The following PRKDC variants were observed in gnomAD, a reference collection of about 807,000 sequenced individuals.
PRKDC encodes protein kinase, DNA-activated, catalytic subunit.
Under a neutral mutation model 486.9 loss-of-function variants are expected in PRKDC, and 82 were observed. That is an observed-to-expected ratio of 0.17 (90% CI 0.14 to 0.20). The LOEUF (loss-of-function observed/expected upper bound fraction) is 0.20. Among genes scored for constraint, PRKDC ranks in the 10% least tolerant of loss-of-function variants. The pLI is 1.00. For synonymous variants in PRKDC, 1,895 were observed against 1,837.0 expected, an observed-to-expected ratio of 1.03 and a Z score of -0.81; for missense variants, 4,504 against 5,038.2, an observed-to-expected ratio of 0.89 and a Z score of 3.21.
At chr8:47,801,084 G>T in intron 70 of PRKDC, 98 bp from the exon 71 acceptor site, 1 of 1,242,350 alleles carries the variant, frequency 8.0e-7, no homozygotes, top group South Asian at 1.4e-5. Context: ...CTTTTCTTTT[G>T]TTTTTGGGAT....
chr8:47,953,197 A>G (rs2090653736), intron 7 of PRKDC, among the ~76,000 whole-genome samples: 1 of 152,120 alleles, frequency 6.6e-6, no homozygotes, highest in South Asian at 2.1e-4. Flanking sequence ...AGTCCCAGCT[A>G]TTCAGGAGGC....
intron 63 of PRKDC, among the ~76,000 whole-genome samples, chr8:47,825,906 G>C (rs1563754143): frequency 6.6e-6 from 1 of 152,154 alleles, no homozygotes; most frequent in African/African-American, 2.4e-5. Context: ...TAGATTGCTA[G>C]TTTTGTGAGT....
At position 47,959,976 on chromosome 8, in the gene PRKDC, G is replaced by C; in HGVS notation, c.151C>G (p.Leu51Val). Residue 51 changes from leucine (L) to valine (V), a missense_variant, in exon 1 of 86, where the codon CTG becomes GTG. Transcript: ENST00000314191. ...ECVLSSSPAV[L>V]ALQTSLVFSR... is the part of the protein sequence containing the mutation. The stretch of plus-strand genomic sequence containing the variant: ...CCCAGCTCGGGCCGGTACCCACCCA[G>C]CACCGCGGGGCTGCTGCTCAGGACG... 6.7e-7 allele frequency: 1 copy of C among 1,496,696 alleles called. No individual in the cohort carries two copies. The highest frequency in any genetic ancestry group is 8.9e-7 in the Non-Finnish European group (1 of 1,123,946). 92.7% of individuals were successfully genotyped at this position (1,496,696 alleles called of 1,614,324 possible).
At chr8:47,860,748 C>G in intron 45 of PRKDC, 151 bp downstream of exon 45, 1 of 580,728 alleles carries the variant, frequency 1.7e-6, no homozygotes, top group Non-Finnish European at 2.9e-6. Context: ...ACTTAAAATA[C>G]TTTTTCAAAG....
intron 57 of PRKDC, among the ~76,000 whole-genome samples, 170 bp downstream of exon 57, chr8:47,837,042 G>A (rs2088040690): frequency 6.6e-6 from 1 of 152,210 alleles, no homozygotes; most frequent in African/African-American, 2.4e-5. Flanking sequence ...CCAAGAGGGT[G>A]AGGCCAGTGG....
chr8:47,910,596 A>C (rs2089882016), intron 25 of PRKDC, among the ~76,000 whole-genome samples: 1 of 152,242 alleles, frequency 6.6e-6, no homozygotes, highest in African/African-American at 2.4e-5. Flanking sequence ...TCCAGCGTGC[A>C]ACCCTTTCAA....
rs878867610 is a variant in PRKDC, at chr8:47,956,036, A to G, written c.325-88T>C. On this transcript the variant is annotated intron_variant, in intron 3 of 85. Coordinates refer to ENST00000314191, the MANE Select transcript of PRKDC (RefSeq NM_006904.7). ...TACCTGAAACTACTTCTCCAAGAGG[A>G]GCAATACCAAAATTCAGTATTTAGC... 6.2e-5 allele frequency: 59 copies of G among 952,850 alleles called. No individual in the cohort carries two copies. The South Asian group carries it at 8.1e-4, about 13-fold the overall frequency. The allele number at this position is 952,850 out of a possible 1,614,324, so 59.0% of individuals were successfully genotyped here.
intron 4 of PRKDC, among the ~76,000 whole-genome samples, chr8:47,954,762 C>T (rs1251193573): frequency 1.3e-5 from 2 of 152,082 alleles, no homozygotes; most frequent in Non-Finnish European, 2.9e-5. Flanking sequence ...CAGAAGCCTA[C>T]AAAACCAAGG....
At chr8:47,908,081 C>T (rs1230995898) in intron 25 of PRKDC, among the ~76,000 whole-genome samples, 1 of 152,206 alleles carries the variant, frequency 6.6e-6, no homozygotes, top group Non-Finnish European at 1.5e-5. Context: ...GCTGCTAGGC[C>T]AGGACTGTGG....
At chr8:47,954,306 C>G in intron 5 of PRKDC, 32 bp downstream of exon 5, 1 of 926,602 alleles carries the variant, frequency 1.1e-6, no homozygotes, top group Admixed American at 3.3e-5. Context: ...ATTTGCTAAA[C>G]TATTTGAAAA....
chr8:47,849,423 C>A lies in PRKDC; in HGVS notation c.7086G>T (p.Val2362=). Reference sequence around the variant, plus strand: ...AGCTCTTGGTCACTTTGTTCAAGCACACAATAAACTTGTCCTCCATAGTAT... The same window carrying A: ...AGCTCTTGGTCACTTTGTTCAAGCAAACAATAAACTTGTCCTCCATAGTAT... ...HQNTMEDKFI[V]CLNKVTKSFP... Residue 2362 remains valine, a synonymous_variant, in exon 53 of 86, where the codon GTG becomes GTT. Coordinates refer to ENST00000314191, the MANE Select transcript of PRKDC (RefSeq NM_006904.7). The A allele has an allele frequency of 1.9e-6, 3 of 1,614,014 alleles. No individual in the cohort carries two copies. The highest frequency in any genetic ancestry group is 2.5e-6 in the Non-Finnish European group (3 of 1,179,902).
intron 62 of PRKDC, among the ~76,000 whole-genome samples, chr8:47,827,726 T>TA (rs1241851233): frequency 1.3e-5 from 2 of 152,192 alleles, no homozygotes; most frequent in African/African-American, 4.8e-5. Context: ...ACCCATCTAT[T>TA]AATGGGAATG....
At chr8:47,946,485 C>T (rs937705361) in intron 7 of PRKDC, among the ~76,000 whole-genome samples, 9 of 152,084 alleles carry the variant, frequency 5.9e-5, no homozygotes, top group South Asian at 2.1e-4. Context: ...ATGTGGTTCT[C>T]GTGGAGCTGA....
intron 30 of PRKDC, among the ~76,000 whole-genome samples, chr8:47,894,694 G>T (rs781456677): frequency 7.9e-5 from 12 of 152,188 alleles, no homozygotes; most frequent in Non-Finnish European, 1.5e-4. Flanking sequence ...CTGTCGTCAA[G>T]CCCTACTGAT....
chr8:47,957,443 A>C lies in PRKDC; in HGVS notation c.155-12T>G. The C allele has an allele frequency of 1.3e-6, 2 of 1,564,206 alleles. No homozygotes were observed. Among genetic ancestry groups the C allele is most frequent in the South Asian group, 2.4e-5 (2 of 85,032 alleles). On this transcript the variant is annotated splice_polypyrimidine_tract_variant and intron_variant, in intron 1 of 85. Transcript: ENST00000314191. ...AGATGTCTGTAATGCTGTTCAAAAA[A>C]ATAAGTAAACAAGTTAAGAGAGTGC...
intron 50 of PRKDC, among the ~76,000 whole-genome samples, chr8:47,854,721 A>AAATGCTTTACAGAAATG (rs2088493824): frequency 1.3e-5 from 2 of 152,134 alleles, no homozygotes; most frequent in Non-Finnish European, 2.9e-5. Flanking sequence ...TCTAGCTTTG[A>AAATGCTTTACAGAAATG]CTTTACAGAA....
At chr8:47,900,589 C>T (rs921351646) in intron 27 of PRKDC, 122 bp from the exon 28 acceptor site, 36 of 789,790 alleles carry the variant, frequency 4.6e-5, no homozygotes, top group East Asian at 9.8e-5. Flanking sequence ...TGGCCGGGTG[C>T]GGTGGCTCAC....
intron 4 of PRKDC, among the ~76,000 whole-genome samples, 156 bp from the exon 5 acceptor site, chr8:47,954,602 G>A (rs2090673823): frequency 6.6e-6 from 1 of 152,126 alleles, no homozygotes; most frequent in Non-Finnish European, 1.5e-5. Context: ...GTGTCTCAAG[G>A]ATTTACACTT....
chr8:47,862,319 T>A, intron 43 of PRKDC, 54 bp downstream of exon 43: 1 of 1,536,650 alleles, frequency 6.5e-7, no homozygotes, highest in East Asian at 2.3e-5. Context: ...ACTGATATAA[T>A]CTAACTTTTG....
Sources: allele counts gnomAD v4.1 joint callset (sites outside exome capture counted in the v4.1 genomes callset), GRCh38; gene constraint gnomAD v4.1.1; transcripts MANE v1.5; gene names NCBI Gene and HGNC (gene_info 2026-07-23, HGNC 2026-07-21).